EIF4ENIF1: variants seen among roughly 807,000 people sequenced by gnomAD.
EIF4ENIF1 encodes eukaryotic translation initiation factor 4E transporter.
In EIF4ENIF1, 23 loss-of-function variants were observed where a neutral mutation model predicts 110.5. The observed-to-expected ratio is 0.21, with a 90% CI of 0.15 to 0.29. The LOEUF (loss-of-function observed/expected upper bound fraction) is 0.29. EIF4ENIF1 is among the 10% of genes least tolerant of loss of function. The pLI, the probability that EIF4ENIF1 is intolerant of heterozygous loss-of-function variation, is 1.00. For synonymous variants in EIF4ENIF1, 440 were observed against 437.0 expected (o/e 1.01, Z -0.09); for missense variants, 1,031 against 1,221.1 (o/e 0.84, Z 2.32).
intron 2 of EIF4ENIF1, among the ~76,000 whole-genome samples, chr22:31,477,965 A>C (rs1288759118): frequency 6.6e-6 from 1 of 152,244 alleles, no homozygotes; most frequent in Non-Finnish European, 1.5e-5. Flanking sequence ...CAATTTCTGC[A>C]GTGAATGTTC....
chr22:31,493,245 G>A (rs1417926583), upstream of EIF4ENIF1, among the ~76,000 whole-genome samples: 1 of 151,996 alleles, frequency 6.6e-6, no homozygotes, highest in African/African-American at 2.4e-5. Context: ...TAGCCAGGAT[G>A]GTCTCGATCT....
chr22:31,441,879 G>A lies in EIF4ENIF1; in HGVS notation c.2446C>T (p.His816Tyr). 1 of 1,614,166 alleles carries A rather than the reference G, an allele frequency of 6.2e-7. No individual in the cohort carries two copies. Among genetic ancestry groups the A allele is most frequent in the Non-Finnish European group, 8.5e-7 (1 of 1,180,038 alleles). Residue 816 changes from histidine to tyrosine, a missense_variant, in exon 17 of 19, where the codon CAT (histidine) becomes TAT (tyrosine). Physicochemically the swap from His to Tyr is moderately conservative, Grantham distance 83. Coordinates refer to ENST00000330125, the MANE Select transcript of EIF4ENIF1 (RefSeq NM_019843.4). Reference protein sequence around the residue: ...RPVHQVPLVPHVPMVRPAHQL... With the variant: ...RPVHQVPLVPYVPMVRPAHQL... Reference sequence around the variant, plus strand: ...TGAGCAGGCCTAACCATAGGGACATGGGGGACAAGGGGAACTTGGTGGACA... The same window carrying A: ...TGAGCAGGCCTAACCATAGGGACATAGGGGACAAGGGGAACTTGGTGGACA...
intron 15 of EIF4ENIF1, 139 bp downstream of exon 15, chr22:31,444,467 G>T: frequency 2.6e-6 from 2 of 781,200 alleles, no homozygotes; most frequent in Non-Finnish European, 4.4e-6. Flanking sequence ...AGACCTAATA[G>T]ACAGTTATGA....
intron 7 of EIF4ENIF1, 98 bp from the exon 8 acceptor site, chr22:31,456,085 C>G: frequency 8.0e-7 from 1 of 1,252,488 alleles, no homozygotes; most frequent in South Asian, 1.4e-5. Flanking sequence ...AACTTCCTTT[C>G]ATGCTCGTGA....
chr22:31,458,236 A>C (rs1346873935), intron 7 of EIF4ENIF1, among the ~76,000 whole-genome samples: 1 of 151,930 alleles, frequency 6.6e-6, no homozygotes, highest in Non-Finnish European at 1.5e-5. Flanking sequence ...TCAAAAAAAA[A>C]AAAACAACAA....
At chr22:31,450,997 C>T (rs985767203) in intron 10 of EIF4ENIF1, 14 of 153,086 alleles carry the variant, frequency 9.1e-5, no homozygotes, top group Admixed American at 7.2e-4. Context: ...CCTCTCATCT[C>T]AGCCTCCTGA....
In EIF4ENIF1 at chr22:31,440,771, A is replaced by C. The variant is rs1296604289; in HGVS notation, c.2649T>G (p.Pro883=). The C allele has an allele frequency of 6.2e-7, 1 of 1,613,990 alleles. No homozygotes were observed. Among genetic ancestry groups the C allele is most frequent in the Admixed American group, 1.7e-5 (1 of 60,010 alleles). The change falls in exon 18 of 19, where the codon CCT becomes CCG. Residue 883 remains proline (P), a synonymous_variant. Transcript: ENST00000330125. ...GTGTTCCAGGACGAGGGTTTAAGAG[A>C]GGGTGACTAGCAGCAGGTAAAGGGT... ...PFYPLPAASH[P]LLNPRPGTPL...
chr22:31,445,727 CAAT>C (rs1340103124), intron 14 of EIF4ENIF1, among the ~76,000 whole-genome samples: 1 of 151,894 alleles, frequency 6.6e-6, no homozygotes, highest in Non-Finnish European at 1.5e-5. Flanking sequence ...GGGAGACAAA[CAAT>C]AAATAATATG....
At chr22:31,467,984 T>C (rs2077295400) in intron 4 of EIF4ENIF1, among the ~76,000 whole-genome samples, 191 bp downstream of exon 4, 1 of 152,128 alleles carries the variant, frequency 6.6e-6, no homozygotes, top group South Asian at 2.1e-4. Context: ...CTAACAGTCT[T>C]CTTATATAGC....
At position 31,463,910 on chromosome 22, in the gene EIF4ENIF1, C is replaced by T. The variant is rs1157558201; in HGVS notation, c.356G>A (p.Arg119Gln). The change falls in exon 5 of 19, where the codon CGG becomes CAG. Residue 119 changes from arginine (R) to glutamine (Q), a missense_variant. By Grantham distance (43) the Arg-to-Gln change is conservative. Around this residue, in one of 3 missense-constraint regions of EIF4ENIF1, gnomAD observed 704 missense variants for 879.7 expected, o/e 0.80. Coordinates refer to ENST00000330125, the MANE Select transcript of EIF4ENIF1 (RefSeq NM_019843.4). ...CACGTGGCAGCCCCCTCCAAAGCTC[C>T]GTCTCTGAGGGCTGAGAACAACATC... is the stretch of plus-strand genomic sequence containing the variant. ...DLDVVLSPQR[R>Q]SFGGGCHVTA... The T allele has an allele frequency of 5.6e-6, 9 of 1,614,016 alleles. No homozygotes were observed. Among genetic ancestry groups the T allele is most frequent in the South Asian group, 1.1e-5 (1 of 91,084 alleles).
intron 2 of EIF4ENIF1, among the ~76,000 whole-genome samples, chr22:31,480,787 G>A (rs189119836): frequency 6.6e-6 from 1 of 151,764 alleles, no homozygotes; most frequent in African/African-American, 2.4e-5. Flanking sequence ...GGCAGGGGCC[G>A]GGTGCAGTGG....
In EIF4ENIF1 at chr22:31,447,419, A is replaced by G. The variant is rs746863352; in HGVS notation, c.1988+7T>C. 1.2e-6 allele frequency: 2 copies of G among 1,608,794 alleles called. No homozygotes were observed. The highest frequency in any genetic ancestry group is 1.7e-5 in the Admixed American group (1 of 58,588). The stretch of plus-strand genomic sequence containing the variant: ...AAATCTCCACATGAGCAGGATTAGT[A>G]ATTTACCTGTTTCTGAATCCATCTC... On this transcript the variant is annotated splice_region_variant and intron_variant, in intron 14 of 18. Transcript: ENST00000330125.
intron 3 of EIF4ENIF1, among the ~76,000 whole-genome samples, chr22:31,470,425 C>T (rs2051335589): frequency 6.6e-6 from 1 of 151,700 alleles, no homozygotes; most frequent in African/African-American, 2.4e-5. Context: ...GGACTATAGG[C>T]ATGTGCCACC....
chr22:31,448,191 G>C lies in EIF4ENIF1; in HGVS notation c.1810C>G (p.Gln604Glu), dbSNP rs754517686. Reference sequence around the variant, plus strand: ...GGGCTCATGGGTTTGCGCATGCCTTGGAATGGATCTCCGAGTAGCTGCTGT... The same window carrying C: ...GGGCTCATGGGTTTGCGCATGCCTTCGAATGGATCTCCGAGTAGCTGCTGT... Reference protein sequence around the residue: ...GPQQLLGDPFQGMRKPMSPIT... With the variant: ...GPQQLLGDPFEGMRKPMSPIT... Residue 604 changes from glutamine to glutamate, a missense_variant, in exon 13 of 19, where the codon CAA becomes GAA. Coordinates refer to ENST00000330125, the MANE Select transcript of EIF4ENIF1 (RefSeq NM_019843.4). 4 of 1,614,066 alleles carry C rather than the reference G, an allele frequency of 2.5e-6. No homozygotes were observed. Among genetic ancestry groups the C allele is most frequent in the Non-Finnish European group, 3.4e-6 (4 of 1,180,034 alleles).
chr22:31,468,166 T>C lies in EIF4ENIF1; in HGVS notation c.298+9A>G, dbSNP rs763981026. 51 of 1,612,946 alleles carry C rather than the reference T, an allele frequency of 3.2e-5. No individual in the cohort carries two copies. The highest frequency in any genetic ancestry group is 4.3e-5 in the Non-Finnish European group (51 of 1,179,446). ...CACTAACCCCACTTCTGAGTGACTGTGTGCTCACCTACTATCCTGCGCACC... is the reference window on the plus strand; with the variant it reads ...CACTAACCCCACTTCTGAGTGACTGCGTGCTCACCTACTATCCTGCGCACC... On this transcript the variant is annotated intron_variant, in intron 4 of 18. Coordinates refer to ENST00000330125, the MANE Select transcript of EIF4ENIF1 (RefSeq NM_019843.4).
At chr22:31,488,547 G>C in intron 2 of EIF4ENIF1, 76 bp downstream of exon 2, 2 of 1,579,664 alleles carry the variant, frequency 1.3e-6, no homozygotes, top group Non-Finnish European at 1.7e-6. Flanking sequence ...CCACTTAATA[G>C]GAATGAAATA....
chr22:31,445,953 G>GCA (rs1555902711), intron 14 of EIF4ENIF1, among the ~76,000 whole-genome samples: 1 of 97,446 alleles, frequency 1.0e-5, no homozygotes, highest in African/African-American at 4.0e-5. Context: ...GTTACGTACC[G>GCA]CCCCCCCCCC....
At chr22:31,438,059 T>C (rs1367552976), downstream of EIF4ENIF1, among the ~76,000 whole-genome samples, 7 of 152,196 alleles carry the variant, frequency 4.6e-5, no homozygotes, top group Admixed American at 4.6e-4. Flanking sequence ...CTTATAGTCA[T>C]TATTCCCTAA....
chr22:31,444,259 C>G (rs1175525673), intron 15 of EIF4ENIF1, among the ~76,000 whole-genome samples: 1 of 152,168 alleles, frequency 6.6e-6, no homozygotes. Context: ...TCCCCACTGT[C>G]TGACCCAGTC....
Sources: gnomAD v4.1 joint callset for allele counts (sites outside exome capture counted in the v4.1 genomes callset) on GRCh38, gnomAD v4.1.1 for gene constraint, gnomAD v4.1.1 regional missense constraint, MANE v1.5 for transcripts, NCBI Gene and HGNC (gene_info 2026-07-23, HGNC 2026-07-21) for gene names.